CNTN6: variants seen among roughly 807,000 people sequenced by gnomAD.
CNTN6 encodes the protein contactin 6, also known as contactin-6.
In CNTN6, 137 loss-of-function variants were observed where a neutral mutation model predicts 122.8. The ratio of observed to expected loss-of-function variants is 1.12; its 90% CI spans 0.97 to 1.29. CNTN6 has a LOEUF of 1.29. CNTN6 is among the 50% of genes most tolerant of loss of function. The probability of loss-of-function intolerance (pLI) is 0.00; values close to 1 mark genes in which losing one functional copy is unlikely to be tolerated. For synonymous variants in CNTN6, 570 were observed against 426.0 expected (o/e 1.34, Z -4.16); for missense variants, 1,634 against 1,223.4 (o/e 1.34, Z -5.01).
intron 5 of CNTN6, among the ~76,000 whole-genome samples, chr3:1,284,936 C>A (rs914406372): frequency 3.9e-5 from 6 of 152,170 alleles, no homozygotes; most frequent in African/African-American, 1.4e-4. Flanking sequence ...AATGAGGACA[C>A]ACAGCCTTAC....
At chr3:1,294,015 T>C (rs1480465085) in intron 5 of CNTN6, among the ~76,000 whole-genome samples, 1 of 152,202 alleles carries the variant, frequency 6.6e-6, no homozygotes, top group Non-Finnish European at 1.5e-5. Flanking sequence ...CTGGTGGAAG[T>C]ATAAACTGAT....
Position 1,210,046 on chromosome 3 carries a change from G to A in CNTN6, c.56-10641G>A, listed in dbSNP as rs966231935. 2.6e-5 allele frequency among the ~76,000 whole-genome samples: 4 copies of A among 152,040 alleles called. No individual in the cohort carries two copies. In the South Asian group the frequency reaches 8.3e-4, roughly 32 times the overall value. On this transcript the variant is annotated intron_variant, in intron 2 of 22. Coordinates refer to ENST00000446702, the MANE Select transcript of CNTN6 (RefSeq NM_001289080.2). ...ATCATCTTTATTTTTGAACATAGCT[G>A]ACAAAGTTTACTTTTTTCCTTTTTT... is the stretch of plus-strand genomic sequence containing the variant.
intron 4 of CNTN6, among the ~76,000 whole-genome samples, chr3:1,263,053 C>A (rs2094873161): frequency 6.6e-6 from 1 of 152,002 alleles, no homozygotes; most frequent in Non-Finnish European, 1.5e-5. Context: ...TTACTTATTT[C>A]ATTTAAGTCT....
intron 11 of CNTN6, among the ~76,000 whole-genome samples, chr3:1,348,155 G>GAAAAAAAAAAA (rs1457391939): frequency 4.5e-5 from 1 of 21,980 alleles, no homozygotes; most frequent in African/African-American, 4.1e-4. Flanking sequence ...CTATGCTATA[G>GAAAAAAAAAAA]ACAAAAAAAA....
chr3:1,310,624 T>C (rs964612095), intron 7 of CNTN6, among the ~76,000 whole-genome samples: 2 of 152,178 alleles, frequency 1.3e-5, no homozygotes, highest in African/African-American at 4.8e-5. Flanking sequence ...TAATTTGGCC[T>C]CATAGAGTGA....
intron 1 of CNTN6, among the ~76,000 whole-genome samples, chr3:1,117,734 T>C (rs1202873298): frequency 6.6e-6 from 1 of 152,188 alleles, no homozygotes. Flanking sequence ...CCAGAAATGC[T>C]GACTGGAAGT....
chr3:1,303,324 G>A (rs969683103), intron 7 of CNTN6, among the ~76,000 whole-genome samples: 1 of 152,016 alleles, frequency 6.6e-6, no homozygotes, highest in African/African-American at 2.4e-5. Flanking sequence ...TTTTTAGCAG[G>A]CTTTGCACTT....
chr3:1,260,863 A>G (rs61462412), intron 4 of CNTN6, among the ~76,000 whole-genome samples: 6,908 of 152,198 alleles, frequency 0.045, 249 homozygotes, highest in African/African-American at 0.1. Context: ...CTCCCCAGAC[A>G]TGCTGAACTG....
At chr3:1,342,873 A>G (rs1413474489) in intron 11 of CNTN6, among the ~76,000 whole-genome samples, 1 of 152,150 alleles carries the variant, frequency 6.6e-6, no homozygotes, top group Non-Finnish European at 1.5e-5. Context: ...CCGTTGGACA[A>G]CGGGGATTGA....
intron 12 of CNTN6, among the ~76,000 whole-genome samples, chr3:1,357,848 ATAAATGCACATTTATG>A (rs199856979): frequency 0.033 from 4,660 of 140,248 alleles, 271 homozygotes; most frequent in African/African-American, 0.11. Context: ...TAAATTTTAC[ATAAATGCACATTTATG>A]TAAATGCACA....
At chr3:1,106,537 C>T (rs2091231747) in intron 1 of CNTN6, among the ~76,000 whole-genome samples, 1 of 152,068 alleles carries the variant, frequency 6.6e-6, no homozygotes, top group South Asian at 2.1e-4. Context: ...CACACACACA[C>T]ACACACGCAC....
chr3:1,385,567 TATTGGGGAACAATA>T, intron 19 of CNTN6, 30 bp from the exon 20 acceptor site: 1 of 1,481,236 alleles, frequency 6.8e-7, no homozygotes, highest in Non-Finnish European at 9.2e-7. Context: ...GATTGATAGT[TATTGGGGAACAATA>T]AATTGCTTGT....
chr3:1,266,858 C>G (rs572490281), intron 4 of CNTN6, among the ~76,000 whole-genome samples: 88 of 152,064 alleles, frequency 5.8e-4, no homozygotes, highest in African/African-American at 2.0e-3. Flanking sequence ...CTTCAGCCCC[C>G]TTTGCTGATG....
intron 4 of CNTN6, among the ~76,000 whole-genome samples, chr3:1,228,203 T>C (rs1332191806): frequency 2.0e-5 from 3 of 152,150 alleles, no homozygotes; most frequent in Non-Finnish European, 4.4e-5. Context: ...AGGGAAAAGA[T>C]CAATGTTATT....
In CNTN6 at chr3:1,256,081, C is replaced by T. The variant is rs146690572; in HGVS notation, c.359-22332C>T. On this transcript the variant is annotated intron_variant, in intron 4 of 22. Coordinates refer to ENST00000446702, the MANE Select transcript of CNTN6 (RefSeq NM_001289080.2). ...AGACAAGGTCTCCCTATGTTGCCCA[C>T]GCTAGTTTTGAACTCCTGGGTTCAA... is the stretch of plus-strand genomic sequence containing the variant. Among the ~76,000 whole-genome samples, 355 of 152,036 alleles carry T rather than the reference C, an allele frequency of 2.3e-3. 3 individuals are homozygous for T. The highest frequency in any genetic ancestry group is 9.7e-3 in the East Asian group (50 of 5,156).
rs534264402 is a variant in CNTN6 at position 1,161,412 on chromosome 3, T to A, written c.55+13349T>A. The stretch of plus-strand genomic sequence containing the variant: ...TCAATAAAACTTAGCAAAAGCCTTC[T>A]ATGAAAATCAATTGACTTATGGAAT... On this transcript the variant is annotated intron_variant, in intron 2 of 22. Transcript: ENST00000446702. Among the ~76,000 whole-genome samples, 155 of 151,286 alleles carry A rather than the reference T, an allele frequency of 1.0e-3. 1 individual carries two copies. Among genetic ancestry groups the A allele is most frequent in the African/African-American group, 3.5e-3 (145 of 41,432 alleles).
At chr3:1,227,276 T>C (rs558703339) in intron 3 of CNTN6, among the ~76,000 whole-genome samples, 3 of 152,328 alleles carry the variant, frequency 2.0e-5, no homozygotes, top group African/African-American at 7.2e-5. Flanking sequence ...CATTGAAATA[T>C]TTTCAACATG....
At chr3:1,386,777 A>G (rs1693035285) in intron 20 of CNTN6, among the ~76,000 whole-genome samples, 1 of 152,300 alleles carries the variant, frequency 6.6e-6, no homozygotes, top group South Asian at 2.1e-4. Flanking sequence ...AGACAAATTC[A>G]GTGCCACTTA....
rs73819712 is a variant in CNTN6, at chr3:1,339,157, A to G, written c.1364+9222A>G. On this transcript the variant is annotated intron_variant, in intron 11 of 22. Coordinates refer to ENST00000446702, the MANE Select transcript of CNTN6 (RefSeq NM_001289080.2). Reference sequence around the variant, plus strand: ...TTTTTTTTCAAATGAAATGTATGCAAGAAAACCTTTCATTCCACAGATAAA... The same window carrying G: ...TTTTTTTTCAAATGAAATGTATGCAGGAAAACCTTTCATTCCACAGATAAA... Among the ~76,000 whole-genome samples the G allele has an allele frequency of 7.2e-3, 1,103 of 152,162 alleles. 13 individuals carry two copies. The highest frequency in any genetic ancestry group is 0.025 in the African/African-American group (1,031 of 41,516).
Sources: allele counts gnomAD v4.1 joint callset (sites outside exome capture counted in the v4.1 genomes callset), GRCh38; gene constraint gnomAD v4.1.1; transcripts MANE v1.5; gene names NCBI Gene and HGNC (gene_info 2026-07-23, HGNC 2026-07-21).